CELF4: variants seen among roughly 807,000 people sequenced by gnomAD.
The protein encoded by CELF4 is CUG-BP- and ETR-3-like factor 4.
A neutral mutation model predicts 59.9 loss-of-function variants in CELF4; 18 were observed. That is an observed-to-expected ratio of 0.30 (90% CI 0.21 to 0.45). The LOEUF is 0.45. Ranked by LOEUF, CELF4 falls within the 20% of genes least tolerant of loss-of-function variation. The pLI is 1.00. For synonymous variants in CELF4, 261 were observed against 267.1 expected (o/e 0.98, Z 0.22); for missense variants, 456 against 689.0 (o/e 0.66, Z 3.79).
chr18:37,348,603 G>T (rs573579412), intron 2 of CELF4, among the ~76,000 whole-genome samples: 2 of 152,242 alleles, frequency 1.3e-5, no homozygotes, highest in African/African-American at 4.8e-5. Context: ...TTGGAGCAGT[G>T]AGGTGGGGTG....
At chr18:37,491,198 C>CCGAGAGGGACGCCG (rs2099903395) in intron 1 of CELF4, among the ~76,000 whole-genome samples, 1 of 119,660 alleles carries the variant, frequency 8.4e-6, no homozygotes, top group Non-Finnish European at 2.1e-5. Flanking sequence ...CTCTCCTCAC[C>CCGAGAGGGACGCCG]TGAGAGGGAC....
chr18:37,397,206 C>T (rs777878704), intron 2 of CELF4, among the ~76,000 whole-genome samples: 5 of 152,326 alleles, frequency 3.3e-5, no homozygotes, highest in East Asian at 1.9e-4. Context: ...TTCTGCCTCT[C>T]GACTCCCTGA....
At chr18:37,378,283 G>T (rs1786816) in intron 2 of CELF4, among the ~76,000 whole-genome samples, 3,762 of 152,078 alleles carry the variant, frequency 0.025, 145 homozygotes, top group African/African-American at 0.085. Context: ...TGCTTGGGTC[G>T]CAGGAGGTGG....
Position 37,270,793 on chromosome 18 carries a change from G to A in CELF4, c.1074C>T (p.Phe358=), listed in dbSNP as rs765790379. ...CTGGGTAGGGGTGGATGCCATTGGC[G>A]AACACAGCTTCCGCAGCAGGTTGCC... ...ANGQPAAEAV[F]ANGIHPYPAQ... Residue 358 remains phenylalanine (F), a synonymous_variant, in exon 8 of 13, where the codon TTC becomes TTT. Transcript: ENST00000420428. 30 of 1,613,852 alleles carry A rather than the reference G, an allele frequency of 1.9e-5. No individual in the cohort carries two copies. Among genetic ancestry groups the A allele is most frequent in the East Asian group, 6.7e-5 (3 of 44,886 alleles).
Position 37,527,153 on chromosome 18 carries a change from A to G in CELF4, c.286+38203T>C, listed in dbSNP as rs186921664. On this transcript the variant is annotated intron_variant, in intron 1 of 12. Coordinates refer to ENST00000420428, the MANE Select transcript of CELF4 (RefSeq NM_020180.4). ...AGCTAAATCGCCTGCAAATGAGCAC[A>G]ATGATCAAGAAGAAAACAGCAAGCC... 4.3e-4 allele frequency among the ~76,000 whole-genome samples: 65 copies of G among 152,128 alleles called. 1 individual carries two copies. The highest frequency in any genetic ancestry group is 4.3e-3 in the Admixed American group (65 of 15,276).
At chr18:37,347,923 C>T (rs1366746897) in intron 2 of CELF4, among the ~76,000 whole-genome samples, 4 of 152,138 alleles carry the variant, frequency 2.6e-5, no homozygotes, top group Non-Finnish European at 4.4e-5. Context: ...TTTTCTTCTT[C>T]GAGAGAGATA....
Position 37,270,892 on chromosome 18 carries a change from A to G in CELF4, c.975T>C (p.Thr325=). ...ATGGGATGCTAGGCACGGCTGGTGC[A>G]GTGATGCCCGGAGGGGTGCTGCCAC... The part of the protein sequence containing the change: ...TSGGSTPPGI[T]APAVPSIPSP... Residue 325 remains threonine, a synonymous_variant, in exon 8 of 13, where the codon ACT becomes ACC. Coordinates refer to ENST00000420428, the MANE Select transcript of CELF4 (RefSeq NM_020180.4). The G allele has an allele frequency of 6.2e-7, 1 of 1,612,278 alleles. No individual in the cohort carries two copies. Among genetic ancestry groups the G allele is most frequent in the Non-Finnish European group, 8.5e-7 (1 of 1,179,366 alleles).
chr18:37,409,615 A>T (rs1222647590), intron 2 of CELF4, among the ~76,000 whole-genome samples: 1 of 152,088 alleles, frequency 6.6e-6, no homozygotes. Context: ...GGGCTGCATC[A>T]GGGAAGGGAG....
At chr18:37,327,805 C>T (rs2097373306) in intron 2 of CELF4, among the ~76,000 whole-genome samples, 1 of 152,238 alleles carries the variant, frequency 6.6e-6, no homozygotes, top group Middle Eastern at 3.4e-3. Context: ...CACGCTGGGC[C>T]CCAGCAGGGC....
At chr18:37,523,400 A>G (rs1477252119) in intron 1 of CELF4, among the ~76,000 whole-genome samples, 3 of 152,180 alleles carry the variant, frequency 2.0e-5, no homozygotes, top group African/African-American at 7.2e-5. Context: ...CCAAGGAAGA[A>G]GTTCCATCTT....
At chr18:37,289,695 T>A (rs979887221) in intron 3 of CELF4, among the ~76,000 whole-genome samples, 2 of 152,128 alleles carry the variant, frequency 1.3e-5, no homozygotes, top group African/African-American at 2.4e-5. Context: ...TAGAATATGA[T>A]GAGAGTACTG....
chr18:37,434,729 C>T (rs1337073625), intron 2 of CELF4, among the ~76,000 whole-genome samples: 1 of 152,140 alleles, frequency 6.6e-6, no homozygotes, highest in East Asian at 1.9e-4. Context: ...CAGTAAATAC[C>T]TAGGGCAGCC....
At chr18:37,370,103 G>T (rs2098840974) in intron 2 of CELF4, among the ~76,000 whole-genome samples, 1 of 152,174 alleles carries the variant, frequency 6.6e-6, no homozygotes, top group Non-Finnish European at 1.5e-5. Flanking sequence ...ACAGGGACAG[G>T]GACAGAGAAA....
chr18:37,470,873 T>TGACAGAGAGA (rs1569569543), intron 2 of CELF4, among the ~76,000 whole-genome samples: 5 of 104,034 alleles, frequency 4.8e-5, no homozygotes, highest in African/African-American at 1.8e-4. Context: ...TGTGTGTGTG[T>TGACAGAGAGA]GTGTGTGTGT....
intron 3 of CELF4, among the ~76,000 whole-genome samples, chr18:37,318,013 CT>C (rs1357790543): frequency 2.6e-5 from 4 of 152,214 alleles, no homozygotes; most frequent in African/African-American, 9.6e-5. Context: ...CTCCTGCCCC[CT>C]GGCCAAAGGC....
At chr18:37,542,766 A>C (rs537742288) in intron 1 of CELF4, among the ~76,000 whole-genome samples, 1 of 152,090 alleles carries the variant, frequency 6.6e-6, no homozygotes, top group Admixed American at 6.5e-5. Flanking sequence ...ATGTTTCTAC[A>C]TTTTCTCACT....
At chr18:37,384,568 T>C (rs1343918102) in intron 2 of CELF4, among the ~76,000 whole-genome samples, 2 of 151,924 alleles carry the variant, frequency 1.3e-5, no homozygotes, top group East Asian at 3.9e-4. Flanking sequence ...CCTGGGACAC[T>C]GGCCTGGAGG....
intron 3 of CELF4, among the ~76,000 whole-genome samples, chr18:37,285,712 C>T (rs2094676561): frequency 6.6e-6 from 1 of 152,238 alleles, no homozygotes; most frequent in African/African-American, 2.4e-5. Context: ...GACCCTTGCC[C>T]TGTGAGTTTG....
chr18:37,444,268 G>T (rs2099741498), intron 2 of CELF4, among the ~76,000 whole-genome samples: 1 of 152,068 alleles, frequency 6.6e-6, no homozygotes, highest in African/African-American at 2.4e-5. Flanking sequence ...TGTGTGGGTA[G>T]GGGTGGATCC....
Sources: allele counts gnomAD v4.1 joint callset (sites outside exome capture counted in the v4.1 genomes callset), GRCh38; gene constraint gnomAD v4.1.1; transcripts MANE v1.5; gene names NCBI Gene and HGNC (gene_info 2026-07-23, HGNC 2026-07-21).